The following TMEM233 variants were observed in gnomAD, a reference collection of about 807,000 sequenced individuals.
TMEM233 encodes dispanin subfamily B member 2.
In TMEM233, 6 loss-of-function variants were observed where a neutral mutation model predicts 11.2. The observed-to-expected ratio is 0.54, with a 90% CI of 0.29 to 1.06. The LOEUF (loss-of-function observed/expected upper bound fraction) is 1.06, where lower values mean the gene tolerates loss of function less well. Among genes scored for constraint, TMEM233 ranks in the 50% least tolerant of loss-of-function variants. The pLI, the probability that TMEM233 is intolerant of heterozygous loss-of-function variation, is 0.08. For synonymous variants in TMEM233, 59 were observed against 55.8 expected, an observed-to-expected ratio of 1.06 and a Z score of -0.26; for missense variants, 127 against 144.7, an observed-to-expected ratio of 0.88 and a Z score of 0.63.
intron 1 of TMEM233, among the ~76,000 whole-genome samples, chr12:119,622,026 T>G (rs781549038): frequency 1.3e-5 from 2 of 152,200 alleles, no homozygotes; most frequent in Non-Finnish European, 2.9e-5. Flanking sequence ...CAAAAGGTAG[T>G]GATGAAGTTG....
chr12:119,634,780 T>C (rs1954942324), intron 2 of TMEM233, among the ~76,000 whole-genome samples: 1 of 152,188 alleles, frequency 6.6e-6, no homozygotes, highest in South Asian at 2.1e-4. Context: ...TCCCGGGTAG[T>C]TTACTTCCTT....
In TMEM233 at chr12:119,594,323, C is replaced by T; in HGVS notation, c.186+289C>T. The T allele has an allele frequency of 5.1e-6, 2 of 393,136 alleles. No homozygotes were observed. The highest frequency in any genetic ancestry group is 3.8e-5 in the South Asian group (1 of 26,248). The allele number at this position is 393,136 out of a possible 1,614,324, so 24.4% of individuals were successfully genotyped here. On this transcript the variant is annotated intron_variant, in intron 1 of 2. Transcript: ENST00000426426. This position sits in a 1 kb window ranked among gnomAD's most constrained non-coding sequence, Gnocchi z 5.6. ...CCCAGGGTGCGTTTCCTCTCCAACC[C>T]GGGGAAGTTCTTCCGTGGACTTTGC...
At chr12:119,626,516 AGGAGAAG>A (rs148623297) in intron 1 of TMEM233, among the ~76,000 whole-genome samples, 4,960 of 83,564 alleles carry the variant, frequency 0.059, 387 homozygotes, top group Non-Finnish European at 0.067. Flanking sequence ...GAGGAGGAGG[AGGAGAAG>A]GGAGAAGGGA....
At chr12:119,602,444 C>G (rs559395893) in intron 1 of TMEM233, among the ~76,000 whole-genome samples, 32 of 152,248 alleles carry the variant, frequency 2.1e-4, no homozygotes, top group African/African-American at 7.5e-4. Flanking sequence ...AATTACAGAC[C>G]CCTGTGAATT....
intron 1 of TMEM233, among the ~76,000 whole-genome samples, chr12:119,609,731 T>C (rs569918962): frequency 6.6e-5 from 10 of 152,256 alleles, no homozygotes; most frequent in Admixed American, 4.6e-4. Context: ...TGCACAGAAG[T>C]CAAGAATTGA....
chr12:119,625,624 CTG>C (rs1052457615), intron 1 of TMEM233, among the ~76,000 whole-genome samples: 1 of 152,178 alleles, frequency 6.6e-6, no homozygotes, highest in South Asian at 2.1e-4. Flanking sequence ...TTTTTCAAAA[CTG>C]TGTGTTCTTT....
intron 1 of TMEM233, among the ~76,000 whole-genome samples, chr12:119,616,117 G>T (rs760177511): frequency 6.6e-6 from 1 of 152,196 alleles, no homozygotes; most frequent in African/African-American, 2.4e-5. Flanking sequence ...AGAGGACCTT[G>T]CTCACTCTTC....
intron 1 of TMEM233, among the ~76,000 whole-genome samples, chr12:119,596,069 C>T (rs1447379858): frequency 1.3e-5 from 2 of 152,200 alleles, no homozygotes; most frequent in African/African-American, 4.8e-5. Context: ...GAAGCCGTCG[C>T]ATCCGGTTCC....
intron 1 of TMEM233, among the ~76,000 whole-genome samples, chr12:119,596,419 C>G (rs989311415): frequency 6.6e-6 from 1 of 151,050 alleles, no homozygotes; most frequent in Non-Finnish European, 1.5e-5. Flanking sequence ...ATTGAAACTT[C>G]CTTTTCTAAT....
rs192871646 is a variant in TMEM233, at chr12:119,599,869, A to C, written c.186+5835A>C. Among the ~76,000 whole-genome samples, 27 of 152,266 alleles carry C rather than the reference A, an allele frequency of 1.8e-4. 1 individual carries two copies. The highest frequency in any genetic ancestry group is 1.7e-3 in the Admixed American group (26 of 15,300). On this transcript the variant is annotated intron_variant, in intron 1 of 2. Coordinates refer to ENST00000426426, the MANE Select transcript of TMEM233 (RefSeq NM_001136534.3). Reference sequence around the variant, plus strand: ...AACAGAATGACTGTGGACACCAGGCACAGCTGAGAGAAGGGTTTAGGTGCC... The same window carrying C: ...AACAGAATGACTGTGGACACCAGGCCCAGCTGAGAGAAGGGTTTAGGTGCC...
chr12:119,635,359 A>C (rs1451130481), intron 2 of TMEM233, among the ~76,000 whole-genome samples: 1 of 152,210 alleles, frequency 6.6e-6, no homozygotes, highest in Non-Finnish European at 1.5e-5. Flanking sequence ...TCCCCAAAAA[A>C]TAATTCTAAA....
At chr12:119,652,605 C>T in the TMEM233 span, among the ~76,000 whole-genome samples, 3 of 152,106 alleles carry the variant, frequency 2.0e-5, no homozygotes, top group African/African-American at 7.2e-5. Flanking sequence ...GAGTTTGGGG[C>T]CCCCATGGTG....
In TMEM233 at chr12:119,640,809, CT is replaced by C; in HGVS notation, c.*108del. 1.5e-6 allele frequency: 2 copies of C among 1,296,850 alleles called. No homozygotes were observed. Among genetic ancestry groups the C allele is most frequent in the South Asian group, 2.6e-5 (2 of 77,258 alleles). 80.3% of individuals were successfully genotyped at this position (1,296,850 alleles called of 1,614,324 possible). ...GATCCTTGACTTCAGACTGTGAGAT[CT>C]TTTCCTCCAGGACTCTCCAGAGGCA... On this transcript the variant is annotated 3_prime_UTR_variant, in exon 3 of 3. Coordinates refer to ENST00000426426, the MANE Select transcript of TMEM233 (RefSeq NM_001136534.3).
chr12:119,631,675 G>C (rs1156379044), intron 2 of TMEM233: 29 of 985,258 alleles, frequency 2.9e-5, no homozygotes, highest in Admixed American at 2.5e-4. Flanking sequence ...ACAGAGTGTG[G>C]GTTTAATGGT....
In TMEM233 at chr12:119,640,712, A is replaced by C. The variant is rs1195289068; in HGVS notation, c.*7A>C. 2 of 1,550,970 alleles carry C rather than the reference A, an allele frequency of 1.3e-6. No individual in the cohort carries two copies. Among genetic ancestry groups the C allele is most frequent in the South Asian group, 2.4e-5 (2 of 84,060 alleles). On this transcript the variant is annotated 3_prime_UTR_variant, in exon 3 of 3. Transcript: ENST00000426426. Reference sequence around the variant, plus strand: ...TGTACCACACAGTGCCTGAGGAACCAGCGGTCAGTGGGCTGTGAGCGTGGA... The same window carrying C: ...TGTACCACACAGTGCCTGAGGAACCCGCGGTCAGTGGGCTGTGAGCGTGGA...
Position 119,593,861 on chromosome 12 carries a change from G to A in TMEM233, c.13G>A (p.Ala5Thr), listed in dbSNP as rs1953967002. The change falls in exon 1 of 3, where the codon GCC becomes ACC. Residue 5 changes from alanine (A) to threonine (T), a missense_variant. By Grantham distance (58) the Ala-to-Thr change is moderately conservative. Coordinates refer to ENST00000426426, the MANE Select transcript of TMEM233 (RefSeq NM_001136534.3). The surrounding 1 kb of genome is among the most constrained non-coding windows in gnomAD (Gnocchi z 4.1). ...GCCGGCCTCGCCCATGTCTCAGTACGCCCCTAGCCCGGACTTCAAGAGGGC... is the reference window on the plus strand; with the variant it reads ...GCCGGCCTCGCCCATGTCTCAGTACACCCCTAGCCCGGACTTCAAGAGGGC... MSQYAPSPDFKRALD... is the reference protein window; with the variant it reads MSQYTPSPDFKRALD... The A allele has an allele frequency of 5.8e-6, 9 of 1,551,528 alleles. No homozygotes were observed. The highest frequency in any genetic ancestry group is 7.8e-6 in the Non-Finnish European group (9 of 1,146,880).
chr12:119,620,920 A>G (rs1477107386), intron 1 of TMEM233, among the ~76,000 whole-genome samples: 1 of 152,060 alleles, frequency 6.6e-6, no homozygotes. Flanking sequence ...TTGCTCTGTC[A>G]CCCAGGCTAC....
intron 2 of TMEM233, chr12:119,634,243 A>G (rs1954934703): frequency 2.0e-6 from 2 of 985,254 alleles, no homozygotes; most frequent in Admixed American, 6.2e-5. Context: ...AAAATCTGAC[A>G]TTAGAGGAGT....
At chr12:119,644,776 G>C (rs1955129818), downstream of TMEM233, among the ~76,000 whole-genome samples, 2 of 152,166 alleles carry the variant, frequency 1.3e-5, no homozygotes, top group Admixed American at 1.3e-4. Context: ...ACCACACCCA[G>C]CCTCCTCATA....
Sources: gnomAD v4.1 joint callset for allele counts (sites outside exome capture counted in the v4.1 genomes callset) on GRCh38, gnomAD v4.1.1 for gene constraint, Gnocchi (gnomAD v3.1) non-coding constraint, MANE v1.5 for transcripts, NCBI Gene and HGNC (gene_info 2026-07-23, HGNC 2026-07-21) for gene names.